Variants in MYBPC2 observed in about 807,000 individuals in gnomAD.
The protein encoded by MYBPC2 is myosin binding protein C2.
Under a neutral mutation model 137.0 loss-of-function variants are expected in MYBPC2, and 122 were observed. That is an observed-to-expected ratio of 0.89 (90% CI 0.77 to 1.03). The LOEUF (loss-of-function observed/expected upper bound fraction) is 1.03. MYBPC2 is among the 50% of genes least tolerant of loss of function. The pLI, the probability that MYBPC2 is intolerant of heterozygous loss-of-function variation, is 0.00. For synonymous variants in MYBPC2, 626 were observed against 612.3 expected, an observed-to-expected ratio of 1.02 and a Z score of -0.33; for missense variants, 1,500 against 1,534.4, an observed-to-expected ratio of 0.98 and a Z score of 0.37.
rs1161317217 is a variant in MYBPC2 at position 50,465,991 on chromosome 19, A to C, written c.3416-204A>C. ...AGTGACCGCGTACAGCCAGCAGCTC[A>C]GAATGTCCCCATCTGGGATCCAAAA... On this transcript the variant is annotated intron_variant, in intron 27 of 27. Coordinates refer to ENST00000357701, the MANE Select transcript of MYBPC2 (RefSeq NM_004533.4). The surrounding 1 kb of genome is among the most constrained non-coding windows in gnomAD (Gnocchi z 4.5). 6.6e-6 allele frequency among the ~76,000 whole-genome samples: 1 copy of C among 152,204 alleles called. No individual in the cohort carries two copies. Among genetic ancestry groups the C allele is most frequent in the Non-Finnish European group, 1.5e-5 (1 of 68,032 alleles).
chr19:50,438,855 G>C (rs373811173), intron 7 of MYBPC2, among the ~76,000 whole-genome samples: 15 of 152,200 alleles, frequency 9.9e-5, no homozygotes, highest in African/African-American at 3.4e-4. Flanking sequence ...AACAGAGTGA[G>C]ACTGTTTCAA....
intron 27 of MYBPC2, among the ~76,000 whole-genome samples, chr19:50,464,771 A>C (rs1234265319): frequency 6.6e-6 from 1 of 152,190 alleles, no homozygotes; most frequent in Non-Finnish European, 1.5e-5. Flanking sequence ...TTGAAGGACA[A>C]GGAAGAGGAA....
chr19:50,439,826 G>T (rs1345516051), intron 7 of MYBPC2, among the ~76,000 whole-genome samples: 1 of 152,218 alleles, frequency 6.6e-6, no homozygotes, highest in African/African-American at 2.4e-5. Flanking sequence ...TCCCACCGGG[G>T]CCTGTGAGAG....
rs893399426 is a variant in MYBPC2, at chr19:50,446,081, T to G, written c.1306+29T>G. 5 of 1,604,168 alleles carry G rather than the reference T, an allele frequency of 3.1e-6. No homozygotes were observed. In the African/African-American group the frequency reaches 6.7e-5, roughly 21 times the overall value. Reference sequence around the variant, plus strand: ...TGGGGCCTCCAGGTAGGGCACGGGCTGCACTGCGCATGCTTCTCCACACAG... The same window carrying G: ...TGGGGCCTCCAGGTAGGGCACGGGCGGCACTGCGCATGCTTCTCCACACAG... On this transcript the variant is annotated intron_variant, in intron 12 of 27. Transcript: ENST00000357701.
intron 11 of MYBPC2, among the ~76,000 whole-genome samples, chr19:50,444,879 C>CAAA (rs34557075): frequency 1.8e-4 from 12 of 67,232 alleles, no homozygotes; most frequent in African/African-American, 3.4e-4. Flanking sequence ...GACTCCGTCT[C>CAAA]AAAAAAAAAA....
At position 50,464,266 on chromosome 19, in the gene MYBPC2, T is replaced by C. The variant is rs911195204; in HGVS notation, c.3229-80T>C. The C allele has an allele frequency of 2.3e-6, 3 of 1,326,784 alleles. No individual in the cohort carries two copies. The African/African-American group carries it at 4.4e-5, about 19-fold the overall frequency. 82.2% of individuals were successfully genotyped at this position (1,326,784 alleles called of 1,614,324 possible). ...AGGGTGGCAGAGCCTAGAACCCAGATCGGCTTCCTGAGCCCCATTTTGTCA... is the reference window on the plus strand; with the variant it reads ...AGGGTGGCAGAGCCTAGAACCCAGACCGGCTTCCTGAGCCCCATTTTGTCA... On this transcript the variant is annotated intron_variant, in intron 26 of 27. Transcript: ENST00000357701.
intron 11 of MYBPC2, among the ~76,000 whole-genome samples, chr19:50,444,879 CAAAAAAAAAAAA>C (rs34557075): frequency 1.5e-5 from 1 of 67,274 alleles, no homozygotes; most frequent in Non-Finnish European, 2.9e-5. Flanking sequence ...GACTCCGTCT[CAAAAAAAAAAAA>C]AAAAAAAAAA....
Position 50,459,207 on chromosome 19 carries a change from T to C in MYBPC2, c.2692T>C (p.Phe898Leu). The C allele has an allele frequency of 1.2e-6, 2 of 1,610,838 alleles. No individual in the cohort carries two copies. Among genetic ancestry groups the C allele is most frequent in the Non-Finnish European group, 1.7e-6 (2 of 1,179,444 alleles). ...GACCAGCGACTTCGACACCGTGTTC[T>C]TCGTGCGCCAGGCGGCCCGCTCCGA... ...VRTSDFDTVF[F>L]VRQAARSDSG... Residue 898 changes from phenylalanine to leucine, a missense_variant, in exon 23 of 28, where the codon TTC (phenylalanine) becomes CTC (leucine). Phe to Leu is a conservative substitution (Grantham distance 22, BLOSUM62 0). Coordinates refer to ENST00000357701, the MANE Select transcript of MYBPC2 (RefSeq NM_004533.4).
At position 50,464,467 on chromosome 19, in the gene MYBPC2, C is replaced by G. The variant is rs760859761; in HGVS notation, c.3350C>G (p.Thr1117Ser). 1.9e-6 allele frequency: 3 copies of G among 1,613,114 alleles called. No individual in the cohort carries two copies. Among genetic ancestry groups the G allele is most frequent in the Non-Finnish European group, 2.5e-6 (3 of 1,179,656 alleles). ...IRRPSPFDAG[T>S]YTCRAVNELG... is the part of the protein sequence containing the mutation. ...CGCCCCTCGCCCTTCGACGCTGGGA[C>G]TTACACCTGCCGGGCCGTCAACGAG... Residue 1117 changes from threonine to serine, a missense_variant, in exon 27 of 28, where the codon ACT becomes AGT. Transcript: ENST00000357701.
At chr19:50,434,081 A>G (rs1000004089) in intron 1 of MYBPC2, among the ~76,000 whole-genome samples, 4 of 151,132 alleles carry the variant, frequency 2.6e-5, no homozygotes, top group East Asian at 2.0e-4. Context: ...AAAATGGCCC[A>G]GTGCGGTGGC....
chr19:50,459,969 A>G (rs138748423), intron 23 of MYBPC2, 71 bp from the exon 24 acceptor site: 1 of 1,499,698 alleles, frequency 6.7e-7, no homozygotes, highest in East Asian at 2.5e-5. Context: ...GGGGGTGTGG[A>G]GAGGGGAGGG....
intron 24 of MYBPC2, 145 bp downstream of exon 24, chr19:50,460,324 G>A (rs1232379102): frequency 8.6e-7 from 1 of 1,161,284 alleles, no homozygotes; most frequent in Non-Finnish European, 1.2e-6. Context: ...TTTTAGCTGA[G>A]ACTTGGCACG....
intron 5 of MYBPC2, among the ~76,000 whole-genome samples, chr19:50,437,248 TG>T (rs955430098): frequency 5.3e-5 from 8 of 151,630 alleles, no homozygotes; most frequent in African/African-American, 1.5e-4. Context: ...GGCCCAGGTG[TG>T]GGGGGTATAG....
chr19:50,454,432 T>C, intron 18 of MYBPC2, 63 bp downstream of exon 18: 1 of 1,382,516 alleles, frequency 7.2e-7, no homozygotes, highest in Non-Finnish European at 9.7e-7. Flanking sequence ...TTTTTTTTTT[T>C]TTTTTTTTTT....
At chr19:50,462,213 G>C (rs1164449123) in intron 26 of MYBPC2, among the ~76,000 whole-genome samples, 177 bp downstream of exon 26, 1 of 151,380 alleles carries the variant, frequency 6.6e-6, no homozygotes, top group Non-Finnish European at 1.5e-5. Context: ...TTGAGACAGG[G>C]TCTTGCTGTA....
intron 20 of MYBPC2, among the ~76,000 whole-genome samples, chr19:50,457,721 C>G (rs1339488927): frequency 1.4e-5 from 2 of 145,470 alleles, no homozygotes; most frequent in Non-Finnish European, 3.0e-5. Flanking sequence ...GGTCTGTCGC[C>G]CAGGCTGGAA....
In MYBPC2 at chr19:50,455,672, G is replaced by T. The variant is rs746959076; in HGVS notation, c.2338+28G>T. The stretch of plus-strand genomic sequence containing the variant: ...GAGTGACCCTGGCAGGGCTGGTGGG[G>T]GTGGTGGCTAGCACAGGTGGGTATC... On this transcript the variant is annotated intron_variant, in intron 20 of 27. Coordinates refer to ENST00000357701, the MANE Select transcript of MYBPC2 (RefSeq NM_004533.4). The T allele has an allele frequency of 3.1e-6, 5 of 1,610,950 alleles. No homozygotes were observed. In the African/African-American group the frequency reaches 4.0e-5, roughly 13 times the overall value.
intron 9 of MYBPC2, among the ~76,000 whole-genome samples, 168 bp downstream of exon 9, chr19:50,442,481 G>A (rs915666519): frequency 5.3e-5 from 8 of 152,168 alleles, no homozygotes; most frequent in Admixed American, 6.5e-5. Flanking sequence ...TTGGGAGGCC[G>A]AGGCGGGTGG....
intron 15 of MYBPC2, among the ~76,000 whole-genome samples, chr19:50,451,638 G>T (rs2039859021): frequency 6.7e-6 from 1 of 149,494 alleles, no homozygotes; most frequent in Non-Finnish European, 1.5e-5. Flanking sequence ...TTGGGGACCT[G>T]GATCCCTGGG....
Sources: allele counts gnomAD v4.1 joint callset (sites outside exome capture counted in the v4.1 genomes callset), GRCh38; gene constraint gnomAD v4.1.1; non-coding constraint Gnocchi (gnomAD v3.1); transcripts MANE v1.5; gene names NCBI Gene and HGNC (gene_info 2026-07-23, HGNC 2026-07-21).